FANCI: variants seen among roughly 807,000 people sequenced by gnomAD.
FANCI encodes the protein FA complementation group I.
Under a neutral mutation model 176.1 loss-of-function variants are expected in FANCI, and 156 were observed. The observed-to-expected ratio is 0.89, with a 90% CI of 0.78 to 1.01. The LOEUF (loss-of-function observed/expected upper bound fraction) is 1.01. Ranked by LOEUF, FANCI falls within the 50% of genes least tolerant of loss-of-function variation. The pLI is 0.00. For synonymous variants in FANCI, 613 were observed against 541.7 expected (o/e 1.13, Z -1.83); for missense variants, 1,678 against 1,534.1 (o/e 1.09, Z -1.57).
rs144468558 is a variant in FANCI, at chr15:89,261,007, T to G, written c.288+164T>G. Among the ~76,000 whole-genome samples, 55 of 152,264 alleles carry G rather than the reference T, an allele frequency of 3.6e-4. No homozygotes were observed. In the East Asian group the frequency reaches 9.6e-3, roughly 27 times the overall value. The stretch of plus-strand genomic sequence containing the variant: ...CAGGCCGGGCATGGTGACTCACACC[T>G]GTAATCCCAGCACTTTGGGAGGCTG... On this transcript the variant is annotated intron_variant, in intron 4 of 37. Transcript: ENST00000310775.
chr15:89,298,709 C>G (rs892993420), intron 24 of FANCI, among the ~76,000 whole-genome samples: 34 of 152,020 alleles, frequency 2.2e-4, no homozygotes, highest in African/African-American at 8.0e-4. Context: ...TTTAGCCAGA[C>G]TAATCAGGAA....
chr15:89,283,103 T>G (rs771296027), intron 16 of FANCI, 33 bp from the exon 17 acceptor site: 7 of 1,610,374 alleles, frequency 4.3e-6, no homozygotes, highest in Non-Finnish European at 5.9e-6. Context: ...TGTGAAATAG[T>G]ACTGTTTGTT....
chr15:89,269,534 G>T (rs2053118359), intron 10 of FANCI, among the ~76,000 whole-genome samples: 1 of 151,690 alleles, frequency 6.6e-6, no homozygotes, highest in Non-Finnish European at 1.5e-5. Context: ...CCACATTTTT[G>T]GATTTATCTG....
At chr15:89,300,410 T>TA in intron 26 of FANCI, 25 bp downstream of exon 26, 1 of 1,603,108 alleles carries the variant, frequency 6.2e-7, no homozygotes, top group Non-Finnish European at 8.5e-7. Context: ...AAAGCTGCTG[T>TA]ACTGGCCTGA....
rs996202598 is a variant in FANCI at position 89,264,635 on chromosome 15, T to C, written c.755+28T>C. On this transcript the variant is annotated intron_variant, in intron 9 of 37. Coordinates refer to ENST00000310775, the MANE Select transcript of FANCI (RefSeq NM_001113378.2). ...GAGTAATATAGTGTAGAAATAAAGA[T>C]CATTTTTACAAATTCATCTTCTCAT... 8 of 1,582,378 alleles carry C rather than the reference T, an allele frequency of 5.1e-6. No homozygotes were observed. The African/African-American group carries it at 9.4e-5, about 19-fold the overall frequency.
At chr15:89,272,577 T>G (rs897508352) in intron 10 of FANCI, among the ~76,000 whole-genome samples, 1 of 152,160 alleles carries the variant, frequency 6.6e-6, no homozygotes, top group African/African-American at 2.4e-5. Context: ...GTCTTGAAAT[T>G]TTTCTATATG....
intron 27 of FANCI, among the ~76,000 whole-genome samples, chr15:89,303,584 TATGG>T (rs1567172650): frequency 6.6e-6 from 1 of 152,214 alleles, no homozygotes; most frequent in African/African-American, 2.4e-5. Context: ...CCTAGACCAC[TATGG>T]TAGAAGCAGA....
chr15:89,264,978 T>A (rs1163395077), intron 9 of FANCI, among the ~76,000 whole-genome samples: 1 of 152,208 alleles, frequency 6.6e-6, no homozygotes, highest in Non-Finnish European at 1.5e-5. Flanking sequence ...AGAAAAATGT[T>A]ATAGTAAAAG....
chr15:89,283,333 T>C, intron 17 of FANCI, 83 bp downstream of exon 17: 1 of 1,592,660 alleles, frequency 6.3e-7, no homozygotes, highest in South Asian at 1.1e-5. Flanking sequence ...CTTTTATTCC[T>C]GTTATGGTTG....
intron 1 of FANCI, among the ~76,000 whole-genome samples, chr15:89,246,669 G>T (rs1260799958): frequency 1.3e-5 from 2 of 151,648 alleles, no homozygotes; most frequent in African/African-American, 4.8e-5. Flanking sequence ...TCCAGTTCAA[G>T]CTTTCCTCTG....
chr15:89,260,850 T>C lies in FANCI; in HGVS notation c.288+7T>C, dbSNP rs778403293. The C allele has an allele frequency of 6.2e-7, 1 of 1,613,332 alleles. No homozygotes were observed. Among genetic ancestry groups the C allele is most frequent in the Non-Finnish European group, 8.5e-7 (1 of 1,179,506 alleles). ...AGGATTACTGATGCTGGAGGTAAGATGGCAAACAAAAACTTTTATTTGGGG... is the reference window on the plus strand; with the variant it reads ...AGGATTACTGATGCTGGAGGTAAGACGGCAAACAAAAACTTTTATTTGGGG... On this transcript the variant is annotated splice_region_variant and intron_variant, in intron 4 of 37. Coordinates refer to ENST00000310775, the MANE Select transcript of FANCI (RefSeq NM_001113378.2).
chr15:89,285,153 G>A lies in FANCI; in HGVS notation c.1756G>A (p.Glu586Lys). The stretch of plus-strand genomic sequence containing the variant: ...TGTCGCCAATGAAACTTTTTGCCTT[G>A]AGATCATGGATAGTTTGAGGAGATG... The part of the protein sequence containing the change: ...NSVANETFCL[E>K]IMDSLRRCLS... Residue 586 changes from glutamate to lysine, a missense_variant, in exon 18 of 38, where the codon GAG becomes AAG. Around this residue, in one of 3 missense-constraint regions of FANCI, gnomAD observed 1,204 missense variants for 1,077.4 expected, o/e 1.12. Transcript: ENST00000310775. The A allele has an allele frequency of 6.2e-7, 1 of 1,614,150 alleles. No homozygotes were observed. Among genetic ancestry groups the A allele is most frequent in the Non-Finnish European group, 8.5e-7 (1 of 1,180,032 alleles).
intron 2 of FANCI, among the ~76,000 whole-genome samples, chr15:89,250,524 A>G (rs1173161841): frequency 4.4e-5 from 6 of 135,852 alleles, no homozygotes; most frequent in African/African-American, 1.1e-4. Context: ...GAATGGGAAC[A>G]TCACACACCG....
At position 89,285,181 on chromosome 15, in the gene FANCI, T is replaced by G. The variant is rs766819505; in HGVS notation, c.1784T>G (p.Leu595Ter). Residue 595 changes from leucine (L) to a stop codon, truncating the protein, a stop_gained, in exon 18 of 38, where the codon TTA (leucine) becomes TGA (stop). Coordinates refer to ENST00000310775, the MANE Select transcript of FANCI (RefSeq NM_001113378.2). LOFTEE classifies it high-confidence loss of function. ...ATCATGGATAGTTTGAGGAGATGCT[T>G]AAGCCAGCAAGCTGATGTTCGACTC... The part of the protein sequence containing the change: ...LEIMDSLRRC[L>*]SQQADVRLML... 6.2e-7 allele frequency: 1 copy of G among 1,614,178 alleles called. No individual in the cohort carries two copies.
chr15:89,287,124 C>G (rs2053851014), intron 18 of FANCI, among the ~76,000 whole-genome samples: 1 of 152,080 alleles, frequency 6.6e-6, no homozygotes, highest in Non-Finnish European at 1.5e-5. Context: ...TAGGCTCACG[C>G]CACCATACCC....
chr15:89,312,973 G>A lies in FANCI; in HGVS notation c.3720+1G>A. 6.2e-7 allele frequency: 1 copy of A among 1,613,874 alleles called. No individual in the cohort carries two copies. The highest frequency in any genetic ancestry group is 8.5e-7 in the Non-Finnish European group (1 of 1,179,878). Reference sequence around the variant, plus strand: ...ACCTGCTGCCGTTGCCACAGCCATGGTAAGCTGCTGACACTGACCGTTAAA... The same window carrying A: ...ACCTGCTGCCGTTGCCACAGCCATGATAAGCTGCTGACACTGACCGTTAAA... On this transcript the variant is annotated splice_donor_variant, in intron 35 of 37. Coordinates refer to ENST00000310775, the MANE Select transcript of FANCI (RefSeq NM_001113378.2). LOFTEE classifies it high-confidence loss of function.
chr15:89,268,502 A>G lies in FANCI; in HGVS notation c.859A>G (p.Arg287Gly). ...FAIKLDYELG[R>G]ELVKHLKVGQ... ...CATCAAATTGGACTATGAACTAGGC[A>G]GAGAACTCGTGAAACACTTAAAGGT... Residue 287 changes from arginine to glycine, a missense_variant, in exon 10 of 38, where the codon AGA (arginine) becomes GGA (glycine). Arg to Gly is a moderately radical substitution (Grantham distance 125). This residue lies in a region of FANCI where 469 missense variants were observed against 436.9 expected (regional missense o/e 1.07). Coordinates refer to ENST00000310775, the MANE Select transcript of FANCI (RefSeq NM_001113378.2). 4 of 1,614,262 alleles carry G rather than the reference A, an allele frequency of 2.5e-6. No homozygotes were observed. The highest frequency in any genetic ancestry group is 1.1e-5 in the South Asian group (1 of 91,090).
At position 89,294,529 on chromosome 15, in the gene FANCI, G is replaced by A. The variant is rs2054180660; in HGVS notation, c.2457-386G>A. 2.0e-5 allele frequency among the ~76,000 whole-genome samples: 3 copies of A among 152,062 alleles called. No individual in the cohort carries two copies. The South Asian group carries it at 6.2e-4, about 32-fold the overall frequency. On this transcript the variant is annotated intron_variant, in intron 23 of 37. Coordinates refer to ENST00000310775, the MANE Select transcript of FANCI (RefSeq NM_001113378.2). ...GAACCCAGGAGGCAGAGGTTGCAGT[G>A]AGCCGAGATCATGCCATTGCACTCC...
At chr15:89,315,438 A>G (rs1241873162) in intron 37 of FANCI, 49 bp downstream of exon 37, 1 of 1,312,558 alleles carries the variant, frequency 7.6e-7, no homozygotes, top group South Asian at 1.2e-5. Context: ...CTAGCTGGTT[A>G]GCAGCCTATC....
Sources: gnomAD v4.1 joint callset for allele counts (sites outside exome capture counted in the v4.1 genomes callset) on GRCh38, gnomAD v4.1.1 for gene constraint, gnomAD v4.1.1 regional missense constraint, MANE v1.5 for transcripts, NCBI Gene and HGNC (gene_info 2026-07-23, HGNC 2026-07-21) for gene names.